The following NUP42 variants were observed in gnomAD, a reference collection of about 807,000 sequenced individuals.
NUP42 encodes the protein nucleoporin NUP42.
In NUP42, 47 loss-of-function variants were observed where a neutral mutation model predicts 35.9. The observed-to-expected ratio is 1.31, with a 90% CI of 1.04 to 1.67. NUP42 has a LOEUF of 1.67. NUP42 is among the 40% of genes most tolerant of loss of function. The probability of loss-of-function intolerance (pLI) is 0.00; values close to 1 mark genes in which losing one functional copy is unlikely to be tolerated. For missense variants in NUP42, 514 were observed against 492.2 expected, an observed-to-expected ratio of 1.04 and a Z score of -0.42; for synonymous variants, 173 against 173.3, an observed-to-expected ratio of 1.00 and a Z score of 0.01.
chr7:23,196,710 T>C lies in NUP42; in HGVS notation c.553T>C (p.Trp185Arg), dbSNP rs761524771. Residue 185 changes from tryptophan (W) to arginine (R), a missense_variant, in exon 5 of 7, where the codon TGG becomes CGG. Transcript: ENST00000258742. ...LNSVQRLINQ[W>R]RNRVNELKSL... ...TTCTGTCCAACGTTTAATAAATCAA[T>C]GGAGGAACAGGGTAAATGAACTGAA... is the stretch of plus-strand genomic sequence containing the variant. 5.6e-6 allele frequency: 9 copies of C among 1,612,390 alleles called. No individual in the cohort carries two copies. The highest frequency in any genetic ancestry group is 7.6e-6 in the Non-Finnish European group (9 of 1,178,742).
chr7:23,200,247 T>G lies in NUP42; in HGVS notation c.774T>G (p.Ser258=). ...CAAACTCTGGATTTGCTGCTGCCTC[T>G]TCTGGAAGCCCTGCTGGTTTTGGGA... ...FKTNSGFAAA[S]SGSPAGFGSS... The change falls in exon 7 of 7, where the codon TCT becomes TCG. Residue 258 remains serine (S), a synonymous_variant. Coordinates refer to ENST00000258742, the MANE Select transcript of NUP42 (RefSeq NM_007342.3). 1 of 1,603,678 alleles carries G rather than the reference T, an allele frequency of 6.2e-7. No homozygotes were observed. The highest frequency in any genetic ancestry group is 8.5e-7 in the Non-Finnish European group (1 of 1,173,480).
intron 5 of NUP42, among the ~76,000 whole-genome samples, chr7:23,197,490 A>C (rs542608303): frequency 1.3e-5 from 2 of 152,150 alleles, no homozygotes; most frequent in Non-Finnish European, 2.9e-5. Context: ...AATTTCTTTC[A>C]TCTTTTAGTT....
Position 23,196,702 on chromosome 7 carries a change from T to C in NUP42, c.545T>C (p.Ile182Thr), listed in dbSNP as rs368253769. 6.2e-7 allele frequency: 1 copy of C among 1,611,950 alleles called. No homozygotes were observed. The highest frequency in any genetic ancestry group is 1.3e-5 in the African/African-American group (1 of 74,870). The change falls in exon 5 of 7, where the codon ATA becomes ACA. Residue 182 changes from isoleucine to threonine, a missense_variant. By Grantham distance (89) the Ile-to-Thr change is moderately conservative (BLOSUM62 -1). Transcript: ENST00000258742. Reference sequence around the variant, plus strand: ...CAGCTAAATTCTGTCCAACGTTTAATAAATCAATGGAGGAACAGGGTAAAT... The same window carrying C: ...CAGCTAAATTCTGTCCAACGTTTAACAAATCAATGGAGGAACAGGGTAAAT... ...QSYLNSVQRL[I>T]NQWRNRVNEL...
intron 3 of NUP42, chr7:23,188,298 A>C: frequency 8.4e-7 from 1 of 1,194,658 alleles, no homozygotes; most frequent in Non-Finnish European, 1.0e-6. Flanking sequence ...GCTAAGTGCT[A>C]GGAATATAGT....
rs757310818 is a variant in NUP42 at position 23,199,517 on chromosome 7, T to G, written c.669T>G (p.Ser223Arg). ...QAAPAFGFGS[S>R]QAATFMSPGF... ...CACCTGCATTTGGATTTGGCAGCAG[T>G]CAAGCAGCAACATTTATGTCGCCAG... The change falls in exon 6 of 7, where the codon AGT becomes AGG. Residue 223 changes from serine (S) to arginine (R), a missense_variant. Coordinates refer to ENST00000258742, the MANE Select transcript of NUP42 (RefSeq NM_007342.3). The G allele has an allele frequency of 6.2e-7, 1 of 1,614,040 alleles. No homozygotes were observed. The highest frequency in any genetic ancestry group is 8.5e-7 in the Non-Finnish European group (1 of 1,179,946).
At chr7:23,185,477 T>C (rs191944644) in intron 2 of NUP42, among the ~76,000 whole-genome samples, 179 bp downstream of exon 2, 23 of 152,338 alleles carry the variant, frequency 1.5e-4, no homozygotes, top group African/African-American at 4.8e-4. Context: ...CCCACAATTC[T>C]ATCACTCATA....
intron 3 of NUP42, among the ~76,000 whole-genome samples, chr7:23,192,108 T>C (rs2128473814): frequency 6.6e-6 from 1 of 152,338 alleles, no homozygotes; most frequent in South Asian, 2.1e-4. Flanking sequence ...AACATATTTC[T>C]TGTTTATGTA....
At position 23,199,296 on chromosome 7, in the gene NUP42, CCCTCCTCAG is replaced by C. The variant is rs1361964668; in HGVS notation, c.610-156_610-148del. The C allele has an allele frequency of 6.9e-6, 4 of 580,288 alleles. No individual in the cohort carries two copies. In the African/African-American group the frequency reaches 7.5e-5, roughly 11 times the overall value. The allele number at this position is 580,288 out of a possible 1,614,324, so 35.9% of individuals were successfully genotyped here. A position where few individuals can be genotyped will look rare whatever the true frequency, so the allele number is the denominator to read the frequency against. ...CAGACTCATAGGCTCAAGCCCTTCA[CCCTCCTCAG>C]CCTCCCAAAGTGCTAGGATTACAGG... is the stretch of plus-strand genomic sequence containing the variant. On this transcript the variant is annotated intron_variant, in intron 5 of 6. Transcript: ENST00000258742.
intron 1 of NUP42, among the ~76,000 whole-genome samples, 200 bp from the exon 2 acceptor site, chr7:23,184,870 G>A (rs1562603017): frequency 6.6e-6 from 1 of 152,122 alleles, no homozygotes; most frequent in Non-Finnish European, 1.5e-5. Flanking sequence ...GCCAGACATG[G>A]TGGTTTGCGC....
intron 2 of NUP42, 68 bp downstream of exon 2, chr7:23,185,366 T>C (rs1785556288): frequency 2.9e-6 from 3 of 1,045,108 alleles, no homozygotes; most frequent in Admixed American, 4.6e-5. Context: ...ATCTTTGTTG[T>C]TTCTCTTTTT....
chr7:23,196,816 T>C (rs1786028274), intron 5 of NUP42, 50 bp downstream of exon 5: 3 of 1,270,138 alleles, frequency 2.4e-6, no homozygotes, highest in African/African-American at 3.0e-5. Context: ...TATTGCTTTT[T>C]TGCAGAGGAT....
At chr7:23,197,325 A>T in intron 5 of NUP42, 5 of 629,648 alleles carry the variant, frequency 7.9e-6, no homozygotes, top group Non-Finnish European at 1.3e-5. Context: ...ATTCACATTT[A>T]TAATTTTAAT....
At chr7:23,196,033 A>G (rs1177821946) in intron 4 of NUP42, 118 bp downstream of exon 4, 11 of 448,298 alleles carry the variant, frequency 2.5e-5, no homozygotes, top group Non-Finnish European at 3.9e-5. Context: ...TTTCAGGAGT[A>G]GGCTATTTTT....
chr7:23,196,044 CT>C, intron 4 of NUP42, 129 bp downstream of exon 4: 1 of 419,930 alleles, frequency 2.4e-6, no homozygotes, highest in Non-Finnish European at 4.2e-6. Context: ...GGCTATTTTT[CT>C]TTTCTATATT....
At chr7:23,193,384 G>T (rs1057008207) in intron 3 of NUP42, among the ~76,000 whole-genome samples, 6 of 152,124 alleles carry the variant, frequency 3.9e-5, no homozygotes, top group Non-Finnish European at 8.8e-5. Context: ...GGTGCTGATT[G>T]GTGCGTTTAC....
Position 23,188,007 on chromosome 7 carries a change from ATTTTTATTTTTTT to A in NUP42, c.445+866_445+878del, listed in dbSNP as rs764405010. 9 of 1,019,796 alleles carry A rather than the reference ATTTTTATTTTTTT, an allele frequency of 8.8e-6. No homozygotes were observed. In the South Asian group the frequency reaches 1.7e-4, roughly 19 times the overall value. The allele number at this position is 1,019,796 out of a possible 1,614,324, so 63.2% of individuals were successfully genotyped here. A position where few individuals can be genotyped will look rare whatever the true frequency, so the allele number is the denominator to read the frequency against. On this transcript the variant is annotated intron_variant, in intron 3 of 6. Transcript: ENST00000258742. ...TTCTCTCTCTCTTTTTTTATTTTTT[ATTTTTATTTTTTT>A]TTTTGTCCATAGTCCCTAAGCCCTT... is the stretch of plus-strand genomic sequence containing the variant.
intron 3 of NUP42, chr7:23,194,669 G>GTT: frequency 6.8e-6 from 1 of 148,116 alleles, no homozygotes; most frequent in Non-Finnish European, 1.4e-5. Flanking sequence ...CTGTAATCCA[G>GTT]TTTTTTTTGT....
chr7:23,199,028 T>C (rs1460918903), intron 5 of NUP42, among the ~76,000 whole-genome samples: 2 of 152,256 alleles, frequency 1.3e-5, no homozygotes, highest in Non-Finnish European at 2.9e-5. Context: ...ATACTGTTTA[T>C]ACAGTATTAT....
intron 3 of NUP42, chr7:23,188,161 A>G (rs1029726739): frequency 2.8e-5 from 37 of 1,312,088 alleles, no homozygotes; most frequent in Middle Eastern, 2.7e-4. Context: ...TGCAATCAAT[A>G]TCGCAGAACC....
Sources: allele counts gnomAD v4.1 joint callset (sites outside exome capture counted in the v4.1 genomes callset), GRCh38; gene constraint gnomAD v4.1.1; transcripts MANE v1.5; gene names NCBI Gene and HGNC (gene_info 2026-07-23, HGNC 2026-07-21).